SP100: variants seen among roughly 807,000 people sequenced by gnomAD.
SP100 encodes the protein SP100 nuclear body protein.
A neutral mutation model predicts 130.0 loss-of-function variants in SP100; 84 were observed. The ratio of observed to expected loss-of-function variants is 0.65; its 90% CI spans 0.54 to 0.77. The LOEUF is 0.77. Ranked by LOEUF, SP100 falls within the 30% of genes least tolerant of loss-of-function variation. The pLI, the probability that SP100 is intolerant of heterozygous loss-of-function variation, is 0.00. For missense variants in SP100, 978 were observed against 1,052.2 expected (o/e 0.93, Z 0.97); for synonymous variants, 331 against 351.7 (o/e 0.94, Z 0.66).
chr2:230,466,306 A>T lies in SP100; in HGVS notation c.1147A>T (p.Met383Leu). ...CSRPQIVPEP[M>L]DFRKLSTFRE... ...TTCTCCCTTTTACTTTACAGAGCCCATGGATTTCAGAAAATTATCTACATT... is the reference window on the plus strand; with the variant it reads ...TTCTCCCTTTTACTTTACAGAGCCCTTGGATTTCAGAAAATTATCTACATT... Residue 383 changes from methionine to leucine, a missense_variant, in exon 12 of 29, where the codon ATG becomes TTG. By Grantham distance (15) the Met-to-Leu change is conservative. Transcript: ENST00000340126. 6.3e-7 allele frequency: 1 copy of T among 1,578,808 alleles called. No homozygotes were observed. Among genetic ancestry groups the T allele is most frequent in the Non-Finnish European group, 8.7e-7 (1 of 1,149,076 alleles).
intron 24 of SP100, among the ~76,000 whole-genome samples, chr2:230,512,819 G>T (rs1035762943): frequency 6.6e-6 from 1 of 152,132 alleles, no homozygotes; most frequent in Non-Finnish European, 1.5e-5. Context: ...ATCAGTGGGA[G>T]CCCTGAGCTT....
chr2:230,469,874 A>C, intron 14 of SP100, 141 bp from the exon 15 acceptor site: 6 of 1,513,252 alleles, frequency 4.0e-6, no homozygotes, highest in Non-Finnish European at 5.3e-6. Flanking sequence ...AGATGATCAA[A>C]GCCAAAGGGT....
chr2:230,503,236 C>A, intron 20 of SP100, 126 bp downstream of exon 20: 1 of 578,212 alleles, frequency 1.7e-6, no homozygotes, highest in Non-Finnish European at 2.9e-6. Flanking sequence ...TAACGTTGAC[C>A]AGCAGTTCAT....
chr2:230,516,197 G>T, intron 24 of SP100: 3 of 380,214 alleles, frequency 7.9e-6, no homozygotes, highest in South Asian at 1.1e-4. Context: ...TGTCATACTT[G>T]AAAATATGAC....
At chr2:230,538,363 C>T (rs542892978) in intron 24 of SP100, 1 of 152,276 alleles carries the variant, frequency 6.6e-6, no homozygotes, top group Non-Finnish European at 1.5e-5. Context: ...GAAACCTTGA[C>T]CCAGCAGCCT....
At chr2:230,502,227 A>G (rs919904038) in intron 19 of SP100, among the ~76,000 whole-genome samples, 32 of 152,102 alleles carry the variant, frequency 2.1e-4, no homozygotes, top group Non-Finnish European at 3.1e-4. Flanking sequence ...CTTTAACCAT[A>G]CAACTCTTAG....
At chr2:230,476,375 A>G (rs1335833077) in intron 17 of SP100, among the ~76,000 whole-genome samples, 1 of 152,122 alleles carries the variant, frequency 6.6e-6, no homozygotes, top group Non-Finnish European at 1.5e-5. Context: ...ACTGATTTTT[A>G]TGCATCGATT....
intron 8 of SP100, 130 bp downstream of exon 8, chr2:230,450,385 T>C (rs2063916290): frequency 1.6e-6 from 1 of 641,226 alleles, no homozygotes; most frequent in Non-Finnish European, 2.8e-6. Flanking sequence ...AAAAGCTGGA[T>C]GTATTTATCA....
At chr2:230,486,576 T>C (rs1445005888) in intron 17 of SP100, among the ~76,000 whole-genome samples, 2 of 152,232 alleles carry the variant, frequency 1.3e-5, no homozygotes, top group Non-Finnish European at 2.9e-5. Context: ...AGTCTATCAT[T>C]GTTGGGCATC....
intron 18 of SP100, 60 bp from the exon 19 acceptor site, chr2:230,498,401 C>A: frequency 1.9e-6 from 2 of 1,045,388 alleles, no homozygotes; most frequent in Non-Finnish European, 2.7e-6. Context: ...TTTGAAAGCA[C>A]TATTATATAT....
At chr2:230,542,704 T>C (rs1575825570) in intron 28 of SP100, 132 bp from the exon 29 acceptor site, 1 of 527,736 alleles carries the variant, frequency 1.9e-6, no homozygotes. Flanking sequence ...TCAAGGAACA[T>C]AAGCAACTCA....
intron 24 of SP100, among the ~76,000 whole-genome samples, chr2:230,529,508 A>T (rs1248772430): frequency 2.0e-5 from 3 of 152,208 alleles, no homozygotes; most frequent in Non-Finnish European, 4.4e-5. Context: ...ATTCCCTTTG[A>T]AAACCGGCAC....
At chr2:230,487,982 T>C (rs914022502) in intron 17 of SP100, among the ~76,000 whole-genome samples, 1 of 152,188 alleles carries the variant, frequency 6.6e-6, no homozygotes, top group Admixed American at 6.5e-5. Flanking sequence ...TTTGGCTCTC[T>C]GCTTGCCTAC....
chr2:230,422,797 T>G (rs1298271506), intron 2 of SP100, among the ~76,000 whole-genome samples: 1 of 152,200 alleles, frequency 6.6e-6, no homozygotes, highest in Non-Finnish European at 1.5e-5. Flanking sequence ...TGACCTTTCC[T>G]GGAATCCCTG....
chr2:230,460,221 G>T (rs1381734226), intron 8 of SP100, among the ~76,000 whole-genome samples: 6 of 152,132 alleles, frequency 3.9e-5, no homozygotes, highest in Admixed American at 3.9e-4. Flanking sequence ...ATTATTCATA[G>T]AAGCCAAATG....
chr2:230,494,725 G>A (rs1474732429), intron 18 of SP100, among the ~76,000 whole-genome samples: 1 of 152,102 alleles, frequency 6.6e-6, no homozygotes, highest in Non-Finnish European at 1.5e-5. Context: ...CACAAGGGCT[G>A]AGCTGGTTGA....
chr2:230,500,313 A>G (rs947356663), intron 19 of SP100, among the ~76,000 whole-genome samples: 1 of 152,186 alleles, frequency 6.6e-6, no homozygotes, highest in African/African-American at 2.4e-5. Flanking sequence ...GAACACACAA[A>G]GAACCACTGG....
intron 17 of SP100, among the ~76,000 whole-genome samples, chr2:230,483,942 A>C (rs751320592): frequency 2.6e-5 from 4 of 152,248 alleles, no homozygotes; most frequent in Non-Finnish European, 5.9e-5. Flanking sequence ...AAGACACCTT[A>C]TGTAATATCA....
At chr2:230,431,028 G>C (rs1461231919) in intron 2 of SP100, among the ~76,000 whole-genome samples, 1 of 152,206 alleles carries the variant, frequency 6.6e-6, no homozygotes, top group Admixed American at 6.5e-5. Flanking sequence ...CTGCTGGCTA[G>C]GCACCCAAGC....
Sources: allele counts gnomAD v4.1 joint callset (sites outside exome capture counted in the v4.1 genomes callset), GRCh38; gene constraint gnomAD v4.1.1; transcripts MANE v1.5; gene names NCBI Gene and HGNC (gene_info 2026-07-23, HGNC 2026-07-21).